Variants in KYNU observed in about 807,000 individuals in gnomAD.
KYNU encodes the protein kynureninase.
Under a neutral mutation model 59.2 loss-of-function variants are expected in KYNU, and 54 were observed. The observed-to-expected ratio is 0.91, with a 90% CI of 0.73 to 1.14. The LOEUF (loss-of-function observed/expected upper bound fraction) is 1.14. Among genes scored for constraint, KYNU ranks in the 50% most tolerant of loss-of-function variants. The pLI is 0.00. For synonymous variants in KYNU, 177 were observed against 192.0 expected (o/e 0.92, Z 0.65); for missense variants, 567 against 554.4 (o/e 1.02, Z -0.23).
intron 2 of KYNU, among the ~76,000 whole-genome samples, chr2:142,913,682 G>T (rs1201779876): frequency 6.6e-6 from 1 of 152,168 alleles, no homozygotes; most frequent in Admixed American, 6.5e-5. Context: ...TTGATGGGTG[G>T]AATGTTTTGT....
In KYNU at chr2:143,029,645, C is replaced by A; in HGVS notation, c.921C>A (p.Gly307=). 6.3e-7 allele frequency: 1 copy of A among 1,599,794 alleles called. No homozygotes were observed. Among genetic ancestry groups the A allele is most frequent in the Non-Finnish European group, 8.6e-7 (1 of 1,167,022 alleles). Residue 307 remains glycine (G), a synonymous_variant, in exon 11 of 14, where the codon GGC becomes GGA. Transcript: ENST00000264170. ...TIKPALVGWF[G]HELSTRFKMD... is the part of the protein sequence containing the mutation. ...ATTTTAGATTAGTGGGATGGTTTGG[C>A]CATGAACTCAGCACCAGATTTAAGA...
chr2:143,002,709 A>G (rs1685745697), intron 10 of KYNU, among the ~76,000 whole-genome samples: 1 of 152,214 alleles, frequency 6.6e-6, no homozygotes, highest in Non-Finnish European at 1.5e-5. Context: ...AATGGGAAAT[A>G]CATGTTGCTA....
In KYNU at chr2:143,053,814, A is replaced by G. The variant is rs1687308419; in HGVS notation, c.*11642A>G. On this transcript the variant is annotated 3_prime_UTR_variant, in exon 14 of 14. Transcript: ENST00000264170. ...ATCAGCAGTGGGAAAACGGATTAATATACTAATTTATAGCTAGTAGGTAAA... is the reference window on the plus strand; with the variant it reads ...ATCAGCAGTGGGAAAACGGATTAATGTACTAATTTATAGCTAGTAGGTAAA... 6.6e-6 allele frequency: 1 copy of G among 152,322 alleles called. No individual in the cohort carries two copies. The highest frequency in any genetic ancestry group is 2.1e-4 in the South Asian group (1 of 4,836). 9.4% of individuals were successfully genotyped at this position (152,322 alleles called of 1,614,324 possible). A position where few individuals can be genotyped will look rare whatever the true frequency, so the allele number is the denominator to read the frequency against.
At chr2:142,967,364 CAA>C (rs1290645398) in intron 8 of KYNU, 4 of 152,160 alleles carry the variant, frequency 2.6e-5, no homozygotes, top group African/African-American at 9.6e-5. Context: ...CCAAATTCTG[CAA>C]ACTCCAACAT....
At chr2:142,903,078 C>T (rs958636375) in intron 2 of KYNU, among the ~76,000 whole-genome samples, 3 of 152,100 alleles carry the variant, frequency 2.0e-5, no homozygotes, top group Admixed American at 1.3e-4. Flanking sequence ...ACATCTTGTA[C>T]TAACCTCCAC....
intron 10 of KYNU, chr2:142,989,321 C>T: frequency 2.0e-6 from 2 of 981,834 alleles, no homozygotes; most frequent in Non-Finnish European, 2.5e-6. Context: ...CTTCTGTCAT[C>T]TTACTTTTCT....
intron 1 of KYNU, among the ~76,000 whole-genome samples, chr2:142,880,124 C>T (rs1409014799): frequency 1.3e-5 from 2 of 152,166 alleles, no homozygotes; most frequent in Non-Finnish European, 2.9e-5. Flanking sequence ...GCCACTTTGG[C>T]GGCAGGGGTA....
chr2:143,030,451 T>C (rs1686706895), intron 11 of KYNU, among the ~76,000 whole-genome samples: 1 of 152,222 alleles, frequency 6.6e-6, no homozygotes, highest in African/African-American at 2.4e-5. Flanking sequence ...GATACTGTTT[T>C]AAATTTGTTT....
At position 143,049,951 on chromosome 2, in the gene KYNU, A is replaced by G. The variant is rs57762046; in HGVS notation, c.*7779A>G. 6 of 150,628 alleles carry G rather than the reference A, an allele frequency of 4.0e-5. No homozygotes were observed. Among genetic ancestry groups the G allele is most frequent in the Non-Finnish European group, 5.9e-5 (4 of 67,736 alleles). The allele number at this position is 150,628 out of a possible 1,614,324, so 9.3% of individuals were successfully genotyped here. On this transcript the variant is annotated 3_prime_UTR_variant, in exon 14 of 14. Transcript: ENST00000264170. ...GTTGCAGAGAATCAATGAGAAGAAC[A>G]CTTTAAATTCTTGTTTTCGGTTTTT...
chr2:143,053,632 A>C lies in KYNU; in HGVS notation c.*11460A>C, dbSNP rs1687305202. The C allele has an allele frequency of 6.6e-6, 1 of 152,212 alleles. No individual in the cohort carries two copies. The allele number at this position is 152,212 out of a possible 1,614,324, so 9.4% of individuals were successfully genotyped here. ...TCTCATGAGATCTGATGGTTTTATA[A>C]AGGGGAGTTTCCCTGCCCAAGTTCT... On this transcript the variant is annotated 3_prime_UTR_variant, in exon 14 of 14. Coordinates refer to ENST00000264170, the MANE Select transcript of KYNU (RefSeq NM_003937.3).
chr2:142,918,627 A>G lies in KYNU; in HGVS notation c.188A>G (p.Asn63Ser), dbSNP rs1393856017. The G allele has an allele frequency of 6.2e-7, 1 of 1,601,628 alleles. No individual in the cohort carries two copies. Among genetic ancestry groups the G allele is most frequent in the South Asian group, 1.1e-5 (1 of 88,920 alleles). The change falls in exon 3 of 14, where the codon AAT becomes AGT. Residue 63 changes from asparagine to serine, a missense_variant. Physicochemically the swap from Asn to Ser is conservative, Grantham distance 46. Transcript: ENST00000264170. Reference protein sequence around the residue: ...DLPPVDLSLVNKDENAIYFLG... With the variant: ...DLPPVDLSLVSKDENAIYFLG... The stretch of plus-strand genomic sequence containing the variant: ...GTTTCAGTTGATTTATCATTAGTGA[A>G]TAAAGATGAAAATGCCATCTATTTC...
At chr2:142,909,708 G>A (rs571201154) in intron 2 of KYNU, among the ~76,000 whole-genome samples, 1 of 152,234 alleles carries the variant, frequency 6.6e-6, no homozygotes, top group East Asian at 1.9e-4. Context: ...ACCATTGAAA[G>A]GCATCTAGAA....
chr2:142,987,205 G>C (rs1181228746), intron 10 of KYNU, among the ~76,000 whole-genome samples: 5 of 151,828 alleles, frequency 3.3e-5, no homozygotes, highest in African/African-American at 7.3e-5. Context: ...GCTTTTGTAT[G>C]ATGACTCACA....
intron 10 of KYNU, among the ~76,000 whole-genome samples, chr2:142,997,698 A>G (rs915811555): frequency 6.6e-5 from 10 of 152,162 alleles, no homozygotes; most frequent in African/African-American, 2.4e-4. Flanking sequence ...ATTTGGTGCC[A>G]AAGGGGAAAT....
At chr2:142,990,302 T>C (rs1685359635) in intron 10 of KYNU, among the ~76,000 whole-genome samples, 2 of 152,010 alleles carry the variant, frequency 1.3e-5, no homozygotes, top group African/African-American at 4.8e-5. Context: ...TTTGACAATA[T>C]GAAATGTTTC....
intron 4 of KYNU, among the ~76,000 whole-genome samples, chr2:142,940,077 TG>T (rs1683544581): frequency 6.6e-6 from 1 of 152,264 alleles, no homozygotes; most frequent in African/African-American, 2.4e-5. Flanking sequence ...GAGAATTCTC[TG>T]AACAATCCTG....
intron 10 of KYNU, among the ~76,000 whole-genome samples, chr2:143,023,360 A>T (rs1232049251): frequency 6.6e-6 from 1 of 151,884 alleles, no homozygotes; most frequent in Non-Finnish European, 1.5e-5. Flanking sequence ...CTTTTTGGAG[A>T]TATTAAAGAT....
chr2:142,948,376 A>G (rs1013810686), intron 4 of KYNU, among the ~76,000 whole-genome samples: 11 of 152,192 alleles, frequency 7.2e-5, no homozygotes, highest in Non-Finnish European at 8.8e-5. Flanking sequence ...AGATCACTCA[A>G]ACTTTCTCCA....
At chr2:143,006,532 C>A (rs1685906075) in intron 10 of KYNU, among the ~76,000 whole-genome samples, 1 of 48,006 alleles carries the variant, frequency 2.1e-5, no homozygotes, top group Non-Finnish European at 4.2e-5. Context: ...AGCCAGGAAG[C>A]TCAAACTGGG....
Sources: allele counts gnomAD v4.1 joint callset (sites outside exome capture counted in the v4.1 genomes callset), GRCh38; gene constraint gnomAD v4.1.1; transcripts MANE v1.5; gene names NCBI Gene and HGNC (gene_info 2026-07-23, HGNC 2026-07-21).